The following FNBP1 variants were observed in gnomAD, a reference collection of about 807,000 sequenced individuals.
FNBP1 encodes formin-binding protein 1.
A neutral mutation model predicts 90.6 loss-of-function variants in FNBP1; 26 were observed. That is an observed-to-expected ratio of 0.29 (90% CI 0.21 to 0.40). The LOEUF (loss-of-function observed/expected upper bound fraction) is 0.40, where lower values mean the gene tolerates loss of function less well. FNBP1 is among the 10% of genes least tolerant of loss of function. FNBP1 has a pLI of 1.00. For missense variants in FNBP1, 635 were observed against 768.0 expected (o/e 0.83, Z 2.05); for synonymous variants, 260 against 265.2 (o/e 0.98, Z 0.19).
At chr9:130,048,085 C>T (rs1293383168), upstream of FNBP1, among the ~76,000 whole-genome samples, 8 of 151,536 alleles carry the variant, frequency 5.3e-5, no homozygotes, top group African/African-American at 1.9e-4. Flanking sequence ...TTTAGGAGGC[C>T]GAGGCAGGCG....
chr9:130,018,884 C>G (rs1241974024), intron 1 of FNBP1, among the ~76,000 whole-genome samples: 1 of 151,990 alleles, frequency 6.6e-6, no homozygotes, highest in Non-Finnish European at 1.5e-5. Flanking sequence ...TTTAAGCAAG[C>G]AAGAATCATC....
intron 6 of FNBP1, among the ~76,000 whole-genome samples, chr9:129,955,216 G>T (rs1241718735): frequency 1.3e-5 from 2 of 151,746 alleles, no homozygotes; most frequent in African/African-American, 4.8e-5. Flanking sequence ...AAACAGAAAT[G>T]AAATGACAGT....
chr9:129,902,415 G>C (rs1211325562), intron 13 of FNBP1, among the ~76,000 whole-genome samples: 1 of 152,138 alleles, frequency 6.6e-6, no homozygotes, highest in Non-Finnish European at 1.5e-5. Context: ...CTGTGCAACA[G>C]AGCAAGACCT....
chr9:129,887,871 C>G lies in FNBP1; in HGVS notation c.*2668G>C. 4.3e-6 allele frequency: 1 copy of G among 231,370 alleles called. No individual in the cohort carries two copies. Among genetic ancestry groups the G allele is most frequent in the East Asian group, 6.1e-5 (1 of 16,334 alleles). The allele number at this position is 231,370 out of a possible 1,614,324, so 14.3% of individuals were successfully genotyped here. A position where few individuals can be genotyped will look rare whatever the true frequency, so the allele number is the denominator to read the frequency against. On this transcript the variant is annotated 3_prime_UTR_variant, in exon 17 of 17. Coordinates refer to ENST00000446176, the MANE Select transcript of FNBP1 (RefSeq NM_015033.3). ...AGGAAGGAGACGTTCACGGGAAATT[C>G]CACATTCTACTCTATGTGAACTGCT... is the stretch of plus-strand genomic sequence containing the variant.
At position 129,905,292 on chromosome 9, in the gene FNBP1, G is replaced by GTATATATATA. The variant is rs71497501; in HGVS notation, c.1296-2292_1296-2291insTATATATATA. Among the ~76,000 whole-genome samples the GTATATATATA allele has an allele frequency of 6.5e-3, 363 of 56,234 alleles. 4 individuals are homozygous for GTATATATATA. The East Asian group carries it at 0.12, about 19-fold the overall frequency. The allele number at this position is 56,234 out of a possible 152,430, so 36.9% of individuals were successfully genotyped here. ...TGTTGAATTGTGTGTGTGTGTGTGT[G>GTATATATATA]TGTATATATATATATATATATTTTG... is the stretch of plus-strand genomic sequence containing the variant. On this transcript the variant is annotated intron_variant, in intron 12 of 16. Coordinates refer to ENST00000446176, the MANE Select transcript of FNBP1 (RefSeq NM_015033.3).
intron 10 of FNBP1, among the ~76,000 whole-genome samples, chr9:129,917,806 T>C (rs933021493): frequency 6.6e-6 from 1 of 152,222 alleles, no homozygotes; most frequent in Non-Finnish European, 1.5e-5. Flanking sequence ...CATTCCTGAC[T>C]GTCTGACATG....
chr9:129,978,984 T>G (rs974325059), intron 3 of FNBP1, among the ~76,000 whole-genome samples: 1 of 152,192 alleles, frequency 6.6e-6, no homozygotes, highest in Admixed American at 6.5e-5. Context: ...TGACTGAAAT[T>G]GACATATTTC....
chr9:130,003,127 C>CAA (rs60612382), intron 1 of FNBP1, among the ~76,000 whole-genome samples: 1 of 151,776 alleles, frequency 6.6e-6, no homozygotes, highest in African/African-American at 2.4e-5. Flanking sequence ...TCATTAAGTT[C>CAA]AAAAAAAAAA....
chr9:129,985,519 C>T (rs2052022892), intron 2 of FNBP1, among the ~76,000 whole-genome samples: 1 of 152,130 alleles, frequency 6.6e-6, no homozygotes, highest in Admixed American at 6.5e-5. Flanking sequence ...CTAAACTGCC[C>T]CTATTAAATA....
intron 12 of FNBP1, among the ~76,000 whole-genome samples, chr9:129,906,423 G>A (rs1239567721): frequency 1.3e-5 from 2 of 152,148 alleles, no homozygotes; most frequent in Non-Finnish European, 1.5e-5. Context: ...GAGGGACCCA[G>A]TGGGAAGTAA....
At chr9:129,955,058 A>C (rs1246501596) in intron 6 of FNBP1, among the ~76,000 whole-genome samples, 1 of 152,156 alleles carries the variant, frequency 6.6e-6, no homozygotes, top group African/African-American at 2.4e-5. Flanking sequence ...ATCAGGAACA[A>C]GCTGAGGAAG....
At chr9:129,958,370 T>C (rs2047258018) in intron 5 of FNBP1, 121 bp downstream of exon 5, 2 of 690,828 alleles carry the variant, frequency 2.9e-6, no homozygotes, top group East Asian at 2.9e-5. Context: ...AAGCAGAGGT[T>C]ACAGTGAGCC....
intron 1 of FNBP1, among the ~76,000 whole-genome samples, chr9:130,000,109 C>G (rs1183730179): frequency 1.3e-5 from 2 of 152,210 alleles, no homozygotes; most frequent in Non-Finnish European, 2.9e-5. Context: ...TCCAACTCAG[C>G]TACAGTAAGA....
At chr9:130,019,990 C>T (rs778821335) in intron 1 of FNBP1, among the ~76,000 whole-genome samples, 1 of 152,188 alleles carries the variant, frequency 6.6e-6, no homozygotes, top group Non-Finnish European at 1.5e-5. Context: ...GCTGTTCTAG[C>T]TGCTGATTTG....
chr9:129,896,061 C>G, intron 15 of FNBP1, 65 bp from the exon 16 acceptor site: 1 of 1,485,524 alleles, frequency 6.7e-7, no homozygotes, highest in South Asian at 1.3e-5. Context: ...CAAACAGTGG[C>G]CTTCGCAATG....
intron 12 of FNBP1, among the ~76,000 whole-genome samples, chr9:129,904,132 G>A (rs529768407): frequency 4.6e-5 from 7 of 152,288 alleles, no homozygotes; most frequent in African/African-American, 1.4e-4. Flanking sequence ...TGGGTCTCAC[G>A]GGCTGCATGT....
At position 130,017,190 on chromosome 9, in the gene FNBP1, G is replaced by A. The variant is rs148026172; in HGVS notation, c.25-22232C>T. Among the ~76,000 whole-genome samples the A allele has an allele frequency of 3.8e-3, 575 of 152,214 alleles. 3 individuals are homozygous for A. The highest frequency in any genetic ancestry group is 9.3e-3 in the African/African-American group (386 of 41,542). The stretch of plus-strand genomic sequence containing the variant: ...GTTCTTCAAGTCCCTGAGATCAGCT[G>A]CAAAAAAAAGCTAAAAGTCTCTAGT... On this transcript the variant is annotated intron_variant, in intron 1 of 16. Coordinates refer to ENST00000446176, the MANE Select transcript of FNBP1 (RefSeq NM_015033.3).
In FNBP1 at chr9:129,893,973, C is replaced by T. The variant is rs191988779; in HGVS notation, c.1846+1865G>A. 3.3e-5 allele frequency among the ~76,000 whole-genome samples: 5 copies of T among 149,290 alleles called. No individual in the cohort carries two copies. The East Asian group carries it at 9.8e-4, about 29-fold the overall frequency. Reference sequence around the variant, plus strand: ...CAGGCTGTCACTAAATAAAGGTTAACTGGCTGTGAGAATCTTGAAACACGG... The same window carrying T: ...CAGGCTGTCACTAAATAAAGGTTAATTGGCTGTGAGAATCTTGAAACACGG... On this transcript the variant is annotated intron_variant, in intron 16 of 16. Coordinates refer to ENST00000446176, the MANE Select transcript of FNBP1 (RefSeq NM_015033.3).
chr9:129,902,797 C>A lies in FNBP1; in HGVS notation c.1428+72G>T, dbSNP rs879051012. 5.9e-6 allele frequency: 9 copies of A among 1,520,046 alleles called. No individual in the cohort carries two copies. In the South Asian group the frequency reaches 9.4e-5, roughly 16 times the overall value. The allele number at this position is 1,520,046 out of a possible 1,614,324, so 94.2% of individuals were successfully genotyped here. A position where few individuals can be genotyped will look rare whatever the true frequency, so the allele number is the denominator to read the frequency against. On this transcript the variant is annotated intron_variant, in intron 13 of 16. Transcript: ENST00000446176. ...TCCCAGTGAGAGGATCGTCAGGGCCCCACACCATTCTACACCGAGGAACAC... is the reference window on the plus strand; with the variant it reads ...TCCCAGTGAGAGGATCGTCAGGGCCACACACCATTCTACACCGAGGAACAC...
Sources: gnomAD v4.1 joint callset for allele counts (sites outside exome capture counted in the v4.1 genomes callset) on GRCh38, gnomAD v4.1.1 for gene constraint, MANE v1.5 for transcripts, NCBI Gene and HGNC (gene_info 2026-07-23, HGNC 2026-07-21) for gene names.